PRSS23: variants seen among roughly 807,000 people sequenced by gnomAD.
PRSS23 encodes serine protease 23, also known as protease, serine 23.
Under a neutral mutation model 34.7 loss-of-function variants are expected in PRSS23, and 25 were observed. The observed-to-expected ratio is 0.72, with a 90% CI of 0.53 to 1.01. The LOEUF (loss-of-function observed/expected upper bound fraction) is 1.01, where lower values mean the gene tolerates loss of function less well. Ranked by LOEUF, PRSS23 falls within the 50% of genes least tolerant of loss-of-function variation. The pLI is 0.00. For missense variants in PRSS23, 445 were observed against 475.6 expected (o/e 0.94, Z 0.60); for synonymous variants, 176 against 186.6 (o/e 0.94, Z 0.46).
chr11:86,879,321 G>A (rs1459292549), intron 2 of PRSS23, among the ~76,000 whole-genome samples: 1 of 147,206 alleles, frequency 6.8e-6, no homozygotes, highest in Non-Finnish European at 1.5e-5. Context: ...CGCCCCGTCT[G>A]AGAAGTGAGG....
intron 2 of PRSS23, among the ~76,000 whole-genome samples, chr11:86,866,508 T>C (rs1948650568): frequency 1.3e-5 from 2 of 152,244 alleles, no homozygotes; most frequent in Admixed American, 6.5e-5. Flanking sequence ...ATTCATCATC[T>C]ATTCATTCAT....
chr11:86,859,352 G>T (rs779287385), intron 2 of PRSS23, among the ~76,000 whole-genome samples: 7 of 151,986 alleles, frequency 4.6e-5, no homozygotes, highest in Non-Finnish European at 8.8e-5. Context: ...AATACCCGTT[G>T]CAGGAGAGGA....
chr11:86,906,658 G>A (rs145692193), intron 2 of PRSS23, among the ~76,000 whole-genome samples: 2 of 152,306 alleles, frequency 1.3e-5, no homozygotes, highest in South Asian at 4.1e-4. Flanking sequence ...GGACAGCACT[G>A]CTGCCCAAAA....
intron 2 of PRSS23, among the ~76,000 whole-genome samples, chr11:86,923,048 C>A (rs980772853): frequency 3.3e-5 from 5 of 151,700 alleles, no homozygotes; most frequent in Admixed American, 3.3e-4. Flanking sequence ...ATTTTTATAT[C>A]CATTACATGT....
chr11:86,877,163 G>A (rs1948730420), intron 2 of PRSS23, among the ~76,000 whole-genome samples: 1 of 152,148 alleles, frequency 6.6e-6, no homozygotes, highest in South Asian at 2.1e-4. Context: ...TTTATCCATT[G>A]TACCCTATTA....
At chr11:86,920,531 G>C (rs1345129328) in intron 2 of PRSS23, among the ~76,000 whole-genome samples, 1 of 152,152 alleles carries the variant, frequency 6.6e-6, no homozygotes, top group African/African-American at 2.4e-5. Context: ...CATCATACTA[G>C]GCCTGGGAAG....
At chr11:86,870,594 C>CA (rs954767128) in intron 2 of PRSS23, among the ~76,000 whole-genome samples, 9 of 152,172 alleles carry the variant, frequency 5.9e-5, no homozygotes, top group African/African-American at 1.9e-4. Context: ...AAGCGTTTTT[C>CA]AATCCTTTTC....
At chr11:86,871,564 T>C (rs1590904758) in intron 2 of PRSS23, among the ~76,000 whole-genome samples, 1 of 152,236 alleles carries the variant, frequency 6.6e-6, no homozygotes, top group South Asian at 2.1e-4. Context: ...TTTCTATTTC[T>C]TCCACTCAGC....
At chr11:86,863,078 T>C (rs1948626787) in intron 2 of PRSS23, among the ~76,000 whole-genome samples, 1 of 152,158 alleles carries the variant, frequency 6.6e-6, no homozygotes, top group African/African-American at 2.4e-5. Flanking sequence ...CCTAGAAAGC[T>C]ATTACTCCTA....
intron 2 of PRSS23, among the ~76,000 whole-genome samples, chr11:86,891,185 A>G (rs1948839063): frequency 6.6e-6 from 1 of 152,192 alleles, no homozygotes; most frequent in Admixed American, 6.6e-5. Flanking sequence ...ACTGGACTGA[A>G]GCAGAACAGC....
At chr11:86,819,387 T>C (rs115160257) in intron 1 of PRSS23, among the ~76,000 whole-genome samples, 158 of 152,348 alleles carry the variant, frequency 1.0e-3, no homozygotes, top group African/African-American at 3.6e-3. Flanking sequence ...GGCTCCATTT[T>C]TTTTTAGAGA....
At chr11:86,887,383 A>G (rs933217051) in intron 2 of PRSS23, among the ~76,000 whole-genome samples, 5 of 148,260 alleles carry the variant, frequency 3.4e-5, no homozygotes, top group South Asian at 2.2e-4. Flanking sequence ...AAGGGGTCAA[A>G]AAAACAGTCA....
At chr11:86,834,533 TTCC>T (rs1374580459) in intron 2 of PRSS23, among the ~76,000 whole-genome samples, 3 of 141,146 alleles carry the variant, frequency 2.1e-5, no homozygotes, top group African/African-American at 8.0e-5. Context: ...TTCCTTTCCT[TTCC>T]TTTCCTTTCC....
intron 2 of PRSS23, chr11:86,934,493 C>T (rs1348881151): frequency 1.3e-5 from 2 of 152,156 alleles, no homozygotes; most frequent in African/African-American, 2.4e-5. Context: ...ATCCTCTCAC[C>T]CACAAAAACA....
At chr11:86,938,859 C>T (rs1158135745) in intron 2 of PRSS23, among the ~76,000 whole-genome samples, 3 of 152,082 alleles carry the variant, frequency 2.0e-5, no homozygotes, top group South Asian at 4.1e-4. Context: ...AAAGCAGAAA[C>T]GACAGGCAGT....
intron 2 of PRSS23, among the ~76,000 whole-genome samples, chr11:86,926,979 G>A (rs929626128): frequency 6.6e-5 from 10 of 152,194 alleles, no homozygotes; most frequent in Middle Eastern, 3.4e-3. Flanking sequence ...TTACTTATTG[G>A]GCCCCCTCAA....
chr11:86,885,394 G>A (rs1948796308), intron 2 of PRSS23, among the ~76,000 whole-genome samples: 1 of 152,154 alleles, frequency 6.6e-6, no homozygotes. Context: ...CTCCTATGAT[G>A]GTTAACTTTG....
chr11:86,870,684 A>T (rs756294923), intron 2 of PRSS23, among the ~76,000 whole-genome samples: 5 of 152,200 alleles, frequency 3.3e-5, no homozygotes, highest in African/African-American at 7.2e-5. Context: ...CTGTTTATTT[A>T]TCAATCTTCC....
intron 2 of PRSS23, among the ~76,000 whole-genome samples, chr11:86,917,686 TC>T (rs892267544): frequency 2.0e-5 from 3 of 152,224 alleles, no homozygotes; most frequent in African/African-American, 7.2e-5. Context: ...CTGGCTATCA[TC>T]CCACAGTGGC....
Sources: allele counts gnomAD v4.1 joint callset (sites outside exome capture counted in the v4.1 genomes callset), GRCh38; gene constraint gnomAD v4.1.1; transcripts MANE v1.5; gene names NCBI Gene and HGNC (gene_info 2026-07-23, HGNC 2026-07-21).